NBPF11: variants seen among roughly 807,000 people sequenced by gnomAD.
NBPF11 encodes the protein NBPF family member NBPF11.
In NBPF11, 72 loss-of-function variants were observed where a neutral mutation model predicts 93.9. The ratio of observed to expected loss-of-function variants is 0.77; its 90% CI spans 0.63 to 0.93. NBPF11 has a LOEUF of 0.93. NBPF11 is among the 40% of genes least tolerant of loss of function. NBPF11 has a pLI of 0.00. For missense variants in NBPF11, 705 were observed against 802.2 expected (o/e 0.88, Z 1.46); for synonymous variants, 224 against 304.9 (o/e 0.73, Z 2.76).
Position 148,152,026 on chromosome 1 carries a change from A to T in NBPF11, c.-825T>A, listed in dbSNP as rs1222109361. 2 of 152,096 alleles carry T rather than the reference A, an allele frequency of 1.3e-5. No individual in the cohort carries two copies. Among genetic ancestry groups the T allele is most frequent in the African/African-American group, 4.8e-5 (2 of 41,322 alleles). 9.4% of individuals were successfully genotyped at this position (152,096 alleles called of 1,614,324 possible). A position where few individuals can be genotyped will look rare whatever the true frequency, so the allele number is the denominator to read the frequency against. On this transcript the variant is annotated 5_prime_UTR_variant, in exon 1 of 24. Transcript: ENST00000682118. The stretch of plus-strand genomic sequence containing the variant: ...TCAGGAGAGCCCAAGGCACAGGCGC[A>T]GCTGGGCCTTAAAGGGACCCGGCTG...
intron 1 of NBPF11, chr1:148,146,340 G>C: frequency 3.5e-6 from 5 of 1,433,586 alleles, no homozygotes; most frequent in South Asian, 1.5e-5. Flanking sequence ...GGGCCAGGCC[G>C]GGCGGCGTTG....
chr1:148,149,370 C>T, intron 1 of NBPF11: 6 of 1,595,670 alleles, frequency 3.8e-6, no homozygotes, highest in Non-Finnish European at 4.2e-6. Context: ...ATCACGTCTC[C>T]CGTGCTCATC....
rs1479712103 is a variant in NBPF11, at chr1:148,126,974, G to A, written c.30C>T (p.Ser10=). MVVSAGPWS[S]EKAEMNILEI... ...CTAGAATGTTCATCTCTGCCTTCTC[G>A]CTGGACCAAGGGCCGGCTGATACCA... The change falls in exon 5 of 24, where the codon AGC becomes AGT. Residue 10 remains serine (S), a synonymous_variant. Transcript: ENST00000682118. 1.6e-4 allele frequency: 130 copies of A among 804,268 alleles called. 1 individual carries two copies. Among genetic ancestry groups the A allele is most frequent in the African/African-American group, 1.4e-3 (63 of 46,460 alleles). The allele number at this position is 804,268 out of a possible 1,614,324, so 49.8% of individuals were successfully genotyped here.
chr1:148,122,128 T>G lies in NBPF11; in HGVS notation c.705A>C (p.Lys235Asn), dbSNP rs1668021932. The change falls in exon 9 of 24, where the codon AAA becomes AAC. Residue 235 changes from lysine (K) to asparagine (N), a missense_variant. This residue lies in a region of NBPF11 where 262 missense variants were observed against 223.1 expected (regional missense o/e 1.17). Coordinates refer to ENST00000682118, the MANE Select transcript of NBPF11 (RefSeq NM_001385469.3). ...TGTCTACAACCAGAGATGAGTTGAC[T>G]TTGTCTTCCTCAAATGTGATTTTGA... ...KNIKITFEED[K>N]VNSSLVVDRE... The G allele has an allele frequency of 6.2e-6, 10 of 1,613,450 alleles. No individual in the cohort carries two copies. The highest frequency in any genetic ancestry group is 7.6e-6 in the Non-Finnish European group (9 of 1,179,598).
At chr1:148,105,609 T>A in intron 21 of NBPF11, 81 bp from the exon 22 acceptor site, 1 of 709,224 alleles carries the variant, frequency 1.4e-6, no homozygotes, top group East Asian at 2.7e-5. Flanking sequence ...ATGGGTAGCA[T>A]AAGGAAGTGG....
At chr1:148,120,085 C>G (rs1489154632) in intron 10 of NBPF11, among the ~76,000 whole-genome samples, 4 of 151,112 alleles carry the variant, frequency 2.6e-5, no homozygotes, top group African/African-American at 9.8e-5. Flanking sequence ...TAGAACAGAG[C>G]TTTGTGTATT....
chr1:148,133,313 T>C (rs1670726106), intron 4 of NBPF11, among the ~76,000 whole-genome samples: 1 of 152,018 alleles, frequency 6.6e-6, no homozygotes, highest in Non-Finnish European at 1.5e-5. Flanking sequence ...TTTATTAATT[T>C]TTCTTACTTT....
chr1:148,138,005 G>A (rs1671610667), intron 2 of NBPF11, among the ~76,000 whole-genome samples, 196 bp from the exon 3 acceptor site: 1 of 151,228 alleles, frequency 6.6e-6, no homozygotes, highest in Non-Finnish European at 1.5e-5. Flanking sequence ...AGTTCCCTTA[G>A]TATTTATTGA....
intron 18 of NBPF11, among the ~76,000 whole-genome samples, 156 bp downstream of exon 18, chr1:148,108,326 C>G (rs1353661957): frequency 6.6e-6 from 1 of 151,066 alleles, no homozygotes; most frequent in African/African-American, 2.4e-5. Flanking sequence ...TCTGGGCTTC[C>G]AAGTGGAACT....
chr1:148,122,106 C>G lies in NBPF11; in HGVS notation c.727G>C (p.Asp243His), dbSNP rs1158934140. 27 of 1,612,872 alleles carry G rather than the reference C, an allele frequency of 1.7e-5. No homozygotes were observed. The highest frequency in any genetic ancestry group is 3.4e-6 in the Non-Finnish European group (4 of 1,179,126). Residue 243 changes from aspartate to histidine, a missense_variant, in exon 9 of 24, where the codon GAC (aspartate) becomes CAC (histidine). Physicochemically the swap from Asp to His is moderately conservative, Grantham distance 81. Transcript: ENST00000682118. ...EDKVNSSLVV[D>H]RESSHDGCQD... ...CATCCATCATGAGAGGATTCTCTGTCTACAACCAGAGATGAGTTGACTTTG... is the reference window on the plus strand; with the variant it reads ...CATCCATCATGAGAGGATTCTCTGTGTACAACCAGAGATGAGTTGACTTTG...
intron 2 of NBPF11, among the ~76,000 whole-genome samples, chr1:148,142,079 A>C: frequency 7.0e-6 from 1 of 143,544 alleles, no homozygotes; most frequent in African/African-American, 2.6e-5. Context: ...GAAGAAAGGA[A>C]GGGAGGGAAG....
chr1:148,107,521 G>T (rs1664011106), intron 19 of NBPF11, among the ~76,000 whole-genome samples, 190 bp downstream of exon 19: 1 of 152,276 alleles, frequency 6.6e-6, no homozygotes, highest in Non-Finnish European at 1.5e-5. Flanking sequence ...CCTATAGTAA[G>T]TTAGTAAATG....
At chr1:148,150,750 G>T (rs1282899044) in intron 1 of NBPF11, among the ~76,000 whole-genome samples, 2 of 148,706 alleles carry the variant, frequency 1.3e-5, no homozygotes, top group Non-Finnish European at 3.0e-5. Context: ...TTTTTAGAGG[G>T]AGTCTCGCTC....
At chr1:148,108,443 C>G in intron 18 of NBPF11, 39 bp downstream of exon 18, 3 of 1,340,572 alleles carry the variant, frequency 2.2e-6, no homozygotes, top group Admixed American at 1.7e-5. Flanking sequence ...AAACAGAAGA[C>G]TCAGTGGATC....
At chr1:148,128,586 TAAAC>T (rs1379126292) in intron 4 of NBPF11, among the ~76,000 whole-genome samples, 1 of 76,784 alleles carries the variant, frequency 1.3e-5, no homozygotes, top group Non-Finnish European at 2.5e-5. Context: ...TTTAAGTTGT[TAAAC>T]AACAACATAA....
intron 14 of NBPF11, among the ~76,000 whole-genome samples, chr1:148,114,746 AT>A (rs1411309977): frequency 2.9e-5 from 4 of 137,552 alleles, no homozygotes; most frequent in Non-Finnish European, 4.7e-5. Context: ...GTTAAACAAA[AT>A]TTTTTCCCCA....
At chr1:148,131,217 G>T (rs1314279810) in intron 4 of NBPF11, among the ~76,000 whole-genome samples, 1 of 145,888 alleles carries the variant, frequency 6.9e-6, no homozygotes, top group Non-Finnish European at 1.5e-5. Flanking sequence ...TGTAACAAAA[G>T]CCCACCAAGA....
intron 1 of NBPF11, chr1:148,149,175 C>A (rs1458179483): frequency 1.9e-6 from 3 of 1,589,506 alleles, no homozygotes; most frequent in East Asian, 4.5e-5. Flanking sequence ...GGCATCAGCC[C>A]GGACAGCATC....
At chr1:148,115,048 C>A (rs1353943657) in intron 14 of NBPF11, among the ~76,000 whole-genome samples, 1 of 140,640 alleles carries the variant, frequency 7.1e-6, no homozygotes, top group Non-Finnish European at 1.5e-5. Flanking sequence ...ACCTGTGGTC[C>A]CAGCAACTCA....
Sources: allele counts gnomAD v4.1 joint callset (sites outside exome capture counted in the v4.1 genomes callset), GRCh38; gene constraint gnomAD v4.1.1; regional missense constraint gnomAD v4.1.1; transcripts MANE v1.5; gene names NCBI Gene and HGNC (gene_info 2026-07-23, HGNC 2026-07-21).